NKAIN2: variants seen among roughly 807,000 people sequenced by gnomAD.
NKAIN2 encodes the protein sodium/potassium-transporting ATPase subunit beta-1-interacting protein 2.
In NKAIN2, 14 loss-of-function variants were observed where a neutral mutation model predicts 32.6. The observed-to-expected ratio is 0.43, with a 90% CI of 0.28 to 0.67. The LOEUF (loss-of-function observed/expected upper bound fraction) is 0.67. Among genes scored for constraint, NKAIN2 ranks in the 30% least tolerant of loss-of-function variants. The pLI, the probability that NKAIN2 is intolerant of heterozygous loss-of-function variation, is 0.17. For synonymous variants in NKAIN2, 80 were observed against 87.2 expected (o/e 0.92, Z 0.46); for missense variants, 198 against 258.3 (o/e 0.77, Z 1.60).
rs775470954 is a variant in NKAIN2, at chr6:124,123,103, T to C, written c.55-159902T>C. Among the ~76,000 whole-genome samples, 5 of 152,148 alleles carry C rather than the reference T, an allele frequency of 3.3e-5. No homozygotes were observed. In the South Asian group the frequency reaches 1.0e-3, roughly 31 times the overall value. On this transcript the variant is annotated intron_variant, in intron 1 of 6. Transcript: ENST00000368417. ...TTTTTAGCTCTGTTATTTAGAATTA[T>C]ATCTAGTATAAATGTAAGCTGTTAC...
rs73563144 is a variant in NKAIN2, at chr6:124,096,194, A to G, written c.55-186811A>G. On this transcript the variant is annotated intron_variant, in intron 1 of 6. Coordinates refer to ENST00000368417, the MANE Select transcript of NKAIN2 (RefSeq NM_001040214.3). ...CAAGATTTTCATTGTATTGCATGCAATGTGATGGTCTCCAAAATGTCATAC... is the reference window on the plus strand; with the variant it reads ...CAAGATTTTCATTGTATTGCATGCAGTGTGATGGTCTCCAAAATGTCATAC... Among the ~76,000 whole-genome samples, 1,434 of 152,322 alleles carry G rather than the reference A, an allele frequency of 9.4e-3. 18 individuals carry two copies. Among genetic ancestry groups the G allele is most frequent in the African/African-American group, 0.033 (1,364 of 41,562 alleles).
intron 3 of NKAIN2, among the ~76,000 whole-genome samples, chr6:124,477,166 A>C (rs1201769428): frequency 6.6e-6 from 1 of 152,220 alleles, no homozygotes; most frequent in African/African-American, 2.4e-5. Flanking sequence ...ATAATCCTTA[A>C]CCAAAGTAAG....
intron 3 of NKAIN2, among the ~76,000 whole-genome samples, chr6:124,499,614 T>C (rs1778204476): frequency 1.3e-5 from 2 of 152,158 alleles, no homozygotes; most frequent in African/African-American, 4.8e-5. Flanking sequence ...AGAAAATCTT[T>C]ATGCATTTTC....
At chr6:124,636,844 T>C (rs192189242) in intron 3 of NKAIN2, among the ~76,000 whole-genome samples, 1 of 152,076 alleles carries the variant, frequency 6.6e-6, no homozygotes, top group East Asian at 1.9e-4. Flanking sequence ...ATCAAACTAT[T>C]TCACAAAAAC....
At chr6:124,635,216 C>G (rs1230876250) in intron 3 of NKAIN2, among the ~76,000 whole-genome samples, 2 of 151,790 alleles carry the variant, frequency 1.3e-5, no homozygotes, top group Non-Finnish European at 2.9e-5. Context: ...TCAGACCAGC[C>G]ATACAAAAAA....
chr6:124,646,592 A>G (rs1355031508), intron 3 of NKAIN2, among the ~76,000 whole-genome samples: 8 of 152,180 alleles, frequency 5.3e-5, no homozygotes, highest in Admixed American at 4.6e-4. Context: ...AACAACAACA[A>G]CAAAAACACC....
Position 124,620,001 on chromosome 6 carries a change from CA to C in NKAIN2, c.274-38182del, listed in dbSNP as rs142500575. Among the ~76,000 whole-genome samples the C allele has an allele frequency of 2.1e-3, 313 of 152,248 alleles. 1 individual carries two copies. The highest frequency in any genetic ancestry group is 7.2e-3 in the African/African-American group (299 of 41,548). ...CAGTGCCTGGTACCTATCAGGTACT[CA>C]AATACAACATGTTAAATTAGTAAAT... is the stretch of plus-strand genomic sequence containing the variant. On this transcript the variant is annotated intron_variant, in intron 3 of 6. Transcript: ENST00000368417.
chr6:123,852,567 T>C (rs1775394554), intron 1 of NKAIN2, among the ~76,000 whole-genome samples: 1 of 152,202 alleles, frequency 6.6e-6, no homozygotes, highest in African/African-American at 2.4e-5. Flanking sequence ...CCTGTGTTCA[T>C]TGCAGCATTA....
intron 1 of NKAIN2, among the ~76,000 whole-genome samples, chr6:124,078,294 G>A (rs1442062808): frequency 6.6e-6 from 1 of 151,836 alleles, no homozygotes; most frequent in Non-Finnish European, 1.5e-5. Flanking sequence ...TGGCCTAGCT[G>A]AAAATAATCC....
chr6:124,022,136 C>T (rs947254131), intron 1 of NKAIN2, among the ~76,000 whole-genome samples: 3 of 149,296 alleles, frequency 2.0e-5, no homozygotes, highest in Admixed American at 6.8e-5. Flanking sequence ...TGAGTGAGAA[C>T]ATGCGGTGTT....
intron 2 of NKAIN2, among the ~76,000 whole-genome samples, chr6:124,328,902 G>A (rs9401729): frequency 0.31 from 46,785 of 151,944 alleles, 7,530 homozygotes; most frequent in East Asian, 0.57. Flanking sequence ...ATTCTCTTTT[G>A]TCCATAATTT....
chr6:123,957,347 T>C (rs906592158), intron 1 of NKAIN2, among the ~76,000 whole-genome samples: 1 of 152,224 alleles, frequency 6.6e-6, no homozygotes, highest in Admixed American at 6.5e-5. Context: ...TAAAGTGACT[T>C]CCTTAGCAGA....
At chr6:124,149,588 A>G (rs765654161) in intron 1 of NKAIN2, among the ~76,000 whole-genome samples, 4 of 152,212 alleles carry the variant, frequency 2.6e-5, no homozygotes, top group African/African-American at 4.8e-5. Flanking sequence ...TCAGTTAACC[A>G]TAAATGTAAG....
intron 3 of NKAIN2, among the ~76,000 whole-genome samples, chr6:124,415,355 C>T (rs1774414842): frequency 6.6e-6 from 1 of 152,174 alleles, no homozygotes; most frequent in Admixed American, 6.5e-5. Context: ...CATTCAACAA[C>T]TCATTATAAA....
At chr6:124,075,629 T>C (rs1023149035) in intron 1 of NKAIN2, among the ~76,000 whole-genome samples, 2 of 152,180 alleles carry the variant, frequency 1.3e-5, no homozygotes, top group African/African-American at 4.8e-5. Flanking sequence ...GGAGTCTTGA[T>C]GTGTTGGCCA....
chr6:124,584,768 T>C (rs909521522), intron 3 of NKAIN2, among the ~76,000 whole-genome samples: 1 of 151,916 alleles, frequency 6.6e-6, no homozygotes, highest in Non-Finnish European at 1.5e-5. Context: ...TATCATCTCC[T>C]ACTTAAAATG....
rs184458226 is a variant in NKAIN2, at chr6:124,159,209, A to G, written c.55-123796A>G. On this transcript the variant is annotated intron_variant, in intron 1 of 6. Transcript: ENST00000368417. The stretch of plus-strand genomic sequence containing the variant: ...TCTAGAGATATGGGTTCAGTGTTCC[A>G]GAGGTCTTCAGAATTTTATTTTTTA... Among the ~76,000 whole-genome samples, 9 of 152,340 alleles carry G rather than the reference A, an allele frequency of 5.9e-5. No individual in the cohort carries two copies. The East Asian group carries it at 1.5e-3, about 26-fold the overall frequency.
intron 3 of NKAIN2, among the ~76,000 whole-genome samples, chr6:124,548,083 T>C (rs1354888422): frequency 6.6e-6 from 1 of 152,230 alleles, no homozygotes; most frequent in East Asian, 1.9e-4. Flanking sequence ...GTAGTATTTC[T>C]TTTCTCTTAT....
In NKAIN2 at chr6:124,045,954, G is replaced by T. The variant is rs569586429; in HGVS notation, c.55-237051G>T. Among the ~76,000 whole-genome samples, 7 of 152,112 alleles carry T rather than the reference G, an allele frequency of 4.6e-5. No homozygotes were observed. In the East Asian group the frequency reaches 1.4e-3, roughly 29 times the overall value. On this transcript the variant is annotated intron_variant, in intron 1 of 6. Transcript: ENST00000368417. ...TGGGTCTGTCTAGAAATTAAAACTT[G>T]TAAGTCTTTTGTGAGCCTCTGGCTT... is the stretch of plus-strand genomic sequence containing the variant.
Sources: gnomAD v4.1 joint callset for allele counts (sites outside exome capture counted in the v4.1 genomes callset) on GRCh38, gnomAD v4.1.1 for gene constraint, MANE v1.5 for transcripts, NCBI Gene and HGNC (gene_info 2026-07-23, HGNC 2026-07-21) for gene names.